PTPRC: variants seen among roughly 807,000 people sequenced by gnomAD.
The protein encoded by PTPRC is protein tyrosine phosphatase receptor type C, also known as receptor-type tyrosine-protein phosphatase C.
PTPRC carries 44 observed loss-of-function variants against 155.9 expected under a neutral mutation model. The ratio of observed to expected loss-of-function variants is 0.28; its 90% CI spans 0.22 to 0.36. The LOEUF is 0.36. Among genes scored for constraint, PTPRC ranks in the 10% least tolerant of loss-of-function variants. The pLI is 1.00. For synonymous variants in PTPRC, 525 were observed against 533.1 expected (o/e 0.98, Z 0.21); for missense variants, 1,401 against 1,564.6 (o/e 0.90, Z 1.76).
chr1:198,687,610 G>C (rs1201148556), intron 2 of PTPRC, among the ~76,000 whole-genome samples: 1 of 151,992 alleles, frequency 6.6e-6, no homozygotes, highest in Non-Finnish European at 1.5e-5. Context: ...TGACTGGGGG[G>C]GCGGGGTGTG....
intron 2 of PTPRC, among the ~76,000 whole-genome samples, chr1:198,689,060 A>T (rs1665785540): frequency 6.6e-6 from 1 of 152,202 alleles, no homozygotes; most frequent in Non-Finnish European, 1.5e-5. Context: ...TAACAATAAA[A>T]TATTATTTCT....
intron 2 of PTPRC, among the ~76,000 whole-genome samples, chr1:198,644,886 A>T (rs1298480373): frequency 1.3e-5 from 2 of 151,840 alleles, no homozygotes; most frequent in Non-Finnish European, 2.9e-5. Context: ...TCTAAAAATG[A>T]GTCAAGTGTC....
chr1:198,725,173 T>G (rs1188804771), intron 15 of PTPRC, among the ~76,000 whole-genome samples: 2 of 152,204 alleles, frequency 1.3e-5, no homozygotes, highest in Admixed American at 1.3e-4. Context: ...TATCTGAGAA[T>G]TCTTTGCTCC....
chr1:198,750,344 A>G, intron 28 of PTPRC, 148 bp from the exon 29 acceptor site: 1 of 814,736 alleles, frequency 1.2e-6, no homozygotes, highest in Non-Finnish European at 2.1e-6. Flanking sequence ...TAGCTATTAC[A>G]TTGTTTCTTG....
intron 14 of PTPRC, 115 bp downstream of exon 14, chr1:198,718,417 T>A: frequency 1.1e-6 from 1 of 898,306 alleles, no homozygotes; most frequent in Non-Finnish European, 1.8e-6. Context: ...CTCTGATGTG[T>A]AATGGAATCA....
In PTPRC at chr1:198,750,579, A is replaced by T; in HGVS notation, c.3160A>T (p.Lys1054Ter). ...CTTTTGGCAGATGATCTTCCAAAGA[A>T]AAGTCAAAGTTATTGTTATGCTGAC... is the stretch of plus-strand genomic sequence containing the variant. The part of the protein sequence containing the change: ...GDFWQMIFQR[K>*]VKVIVMLTEL... The change falls in exon 29 of 33, where the codon AAA becomes TAA. Residue 1054 changes from lysine (K) to a stop codon, truncating the protein, a stop_gained. Coordinates refer to ENST00000442510, the MANE Select transcript of PTPRC (RefSeq NM_002838.5). LOFTEE classifies it high-confidence loss of function. 6.2e-7 allele frequency: 1 copy of T among 1,612,786 alleles called. No individual in the cohort carries two copies. The highest frequency in any genetic ancestry group is 8.5e-7 in the Non-Finnish European group (1 of 1,179,134).
At chr1:198,697,016 T>C in intron 4 of PTPRC, 107 bp downstream of exon 4, 2 of 1,079,008 alleles carry the variant, frequency 1.9e-6, no homozygotes, top group Non-Finnish European at 2.9e-6. Context: ...TTTCTAAGTA[T>C]GTGATTTTAT....
intron 14 of PTPRC, among the ~76,000 whole-genome samples, chr1:198,718,962 C>A (rs912734324): frequency 2.0e-5 from 3 of 152,012 alleles, no homozygotes; most frequent in Admixed American, 6.6e-5. Context: ...GTATAATATT[C>A]TATGTATGGC....
chr1:198,664,264 T>C (rs12118482), intron 2 of PTPRC, among the ~76,000 whole-genome samples: 2,695 of 152,250 alleles, frequency 0.018, 37 homozygotes, highest in Non-Finnish European at 0.024. Flanking sequence ...TATACAAAAA[T>C]GGGAAAATAT....
At chr1:198,699,812 C>T (rs1666381937) in intron 5 of PTPRC, 108 bp downstream of exon 5, 5 of 1,447,484 alleles carry the variant, frequency 3.5e-6, no homozygotes, top group South Asian at 1.1e-5. Context: ...GCAGCTATTG[C>T]TAGTTGATGA....
chr1:198,700,525 T>G (rs1401349967), intron 5 of PTPRC, among the ~76,000 whole-genome samples: 1 of 152,220 alleles, frequency 6.6e-6, no homozygotes, highest in African/African-American at 2.4e-5. Flanking sequence ...CAATCCACAC[T>G]CTTTAAACAA....
At chr1:198,718,448 T>C (rs1653711546) in intron 14 of PTPRC, 146 bp downstream of exon 14, 2 of 754,860 alleles carry the variant, frequency 2.6e-6, no homozygotes, top group Admixed American at 2.6e-5. Context: ...GTCTCAAATA[T>C]TTGACTCTAA....
In PTPRC at chr1:198,754,423, T is replaced by C. The variant is rs1409313269; in HGVS notation, c.3645+19T>C. 1 of 1,613,066 alleles carries C rather than the reference T, an allele frequency of 6.2e-7. No homozygotes were observed. Among genetic ancestry groups the C allele is most frequent in the Non-Finnish European group, 8.5e-7 (1 of 1,179,528 alleles). Reference sequence around the variant, plus strand: ...CACATTCGTAAGTATCCTTCACCATTGCTTTTAACATGCTCGGAATTTTTT... The same window carrying C: ...CACATTCGTAAGTATCCTTCACCATCGCTTTTAACATGCTCGGAATTTTTT... On this transcript the variant is annotated intron_variant, in intron 32 of 32. Coordinates refer to ENST00000442510, the MANE Select transcript of PTPRC (RefSeq NM_002838.5).
At chr1:198,696,021 G>A (rs1666184313) in intron 3 of PTPRC, among the ~76,000 whole-genome samples, 1 of 152,002 alleles carries the variant, frequency 6.6e-6, no homozygotes, top group Non-Finnish European at 1.5e-5. Flanking sequence ...TTAGCTGGAT[G>A]TGGTGGTGTA....
At chr1:198,746,986 A>G (rs1256780014) in intron 26 of PTPRC, among the ~76,000 whole-genome samples, 1 of 151,836 alleles carries the variant, frequency 6.6e-6, no homozygotes, top group Admixed American at 6.6e-5. Flanking sequence ...CTGAAAAAAT[A>G]TATGTCTATA....
At chr1:198,709,883 T>C in intron 11 of PTPRC, 59 bp downstream of exon 11, 1 of 1,579,534 alleles carries the variant, frequency 6.3e-7, no homozygotes, top group Non-Finnish European at 8.6e-7. Flanking sequence ...TTCTTATAAT[T>C]ATTTGAGAAT....
chr1:198,681,635 A>C (rs191490675), intron 2 of PTPRC, among the ~76,000 whole-genome samples: 1 of 151,884 alleles, frequency 6.6e-6, no homozygotes, highest in East Asian at 1.9e-4. Context: ...TATTTTCTCC[A>C]AGTTGCATAA....
At chr1:198,720,496 A>C (rs1446149259) in intron 14 of PTPRC, among the ~76,000 whole-genome samples, 1 of 151,826 alleles carries the variant, frequency 6.6e-6, no homozygotes, top group African/African-American at 2.4e-5. Flanking sequence ...TGCCTGGCTA[A>C]TTTTTGTATT....
chr1:198,643,265 A>G (rs1201340951), intron 2 of PTPRC, among the ~76,000 whole-genome samples: 1 of 151,926 alleles, frequency 6.6e-6, no homozygotes, highest in Non-Finnish European at 1.5e-5. Context: ...ACATGAAATC[A>G]GGTATAGGAG....
Sources: allele counts gnomAD v4.1 joint callset (sites outside exome capture counted in the v4.1 genomes callset), GRCh38; gene constraint gnomAD v4.1.1; transcripts MANE v1.5; gene names NCBI Gene and HGNC (gene_info 2026-07-23, HGNC 2026-07-21).